The following MCU variants were observed in gnomAD, a reference collection of about 807,000 sequenced individuals.
MCU encodes the protein calcium uniporter protein, mitochondrial.
In MCU, 12 loss-of-function variants were observed where a neutral mutation model predicts 45.2. The observed-to-expected ratio is 0.27, with a 90% CI of 0.17 to 0.43. MCU has a LOEUF of 0.43. MCU is among the 20% of genes least tolerant of loss of function. The probability of loss-of-function intolerance (pLI) is 1.00; values close to 1 mark genes in which losing one functional copy is unlikely to be tolerated. For synonymous variants in MCU, 160 were observed against 165.1 expected, an observed-to-expected ratio of 0.97 and a Z score of 0.24; for missense variants, 324 against 436.7, an observed-to-expected ratio of 0.74 and a Z score of 2.30.
At chr10:72,699,517 A>G (rs1050828768) in intron 1 of MCU, among the ~76,000 whole-genome samples, 1 of 152,048 alleles carries the variant, frequency 6.6e-6, no homozygotes, top group South Asian at 2.1e-4. Context: ...GGAAAAAGGG[A>G]AAAAAAAGAA....
chr10:72,794,155 C>G (rs1844209659), intron 1 of MCU, among the ~76,000 whole-genome samples: 1 of 152,180 alleles, frequency 6.6e-6, no homozygotes, highest in African/African-American at 2.4e-5. Flanking sequence ...GATTGAGGCT[C>G]CTTGGTCGCA....
intron 1 of MCU, among the ~76,000 whole-genome samples, chr10:72,819,524 G>A (rs1844678003): frequency 6.6e-6 from 1 of 152,050 alleles, no homozygotes; most frequent in Non-Finnish European, 1.5e-5. Flanking sequence ...TTACATTCAA[G>A]GAGCTTACAA....
chr10:72,751,042 C>T (rs1051045900), intron 1 of MCU, among the ~76,000 whole-genome samples: 23 of 151,924 alleles, frequency 1.5e-4, no homozygotes, highest in African/African-American at 5.3e-4. Flanking sequence ...GCTCTGTTGC[C>T]CAGGCTGGAA....
At chr10:72,832,932 C>CTGTGTGTGTGTGTGTGTGTG (rs1399130294) in intron 1 of MCU, among the ~76,000 whole-genome samples, 1,904 of 57,206 alleles carry the variant, frequency 0.033, 61 homozygotes, top group African/African-American at 0.068. Context: ...AAACCAATAG[C>CTGTGTGTGTGTGTGTGTGTG]TATGTGTGTG....
chr10:72,696,281 A>G (rs1842686960), intron 1 of MCU, among the ~76,000 whole-genome samples: 1 of 143,492 alleles, frequency 7.0e-6, no homozygotes, highest in Non-Finnish European at 1.5e-5. Flanking sequence ...AGTATTATAT[A>G]CGTAAGCCAC....
intron 1 of MCU, among the ~76,000 whole-genome samples, chr10:72,751,341 CTTTTTTTT>C (rs71021528): frequency 3.4e-4 from 15 of 44,746 alleles, no homozygotes; most frequent in Non-Finnish European, 5.4e-4. Flanking sequence ...TCTTCTTCTT[CTTTTTTTT>C]TTTTTTTTTT....
intron 2 of MCU, among the ~76,000 whole-genome samples, chr10:72,856,769 A>T (rs1049399365): frequency 1.1e-5 from 1 of 90,692 alleles, no homozygotes; most frequent in Non-Finnish European, 2.1e-5. Flanking sequence ...CCCTGTCTCT[A>T]AAAAAAAAAA....
intron 5 of MCU, among the ~76,000 whole-genome samples, chr10:72,871,056 T>C (rs897973848): frequency 2.0e-5 from 3 of 152,078 alleles, no homozygotes; most frequent in Admixed American, 2.0e-4. Flanking sequence ...TGTGCCACCA[T>C]GCCCTGCTGA....
At chr10:72,868,654 G>C in intron 4 of MCU, 49 bp from the exon 5 acceptor site, 2 of 1,551,510 alleles carry the variant, frequency 1.3e-6, no homozygotes, top group African/African-American at 1.4e-5. Context: ...CCCAGGAATA[G>C]CAATCATTTA....
rs546372976 is a variant in MCU at position 72,834,374 on chromosome 10, G to A, written c.166G>A (p.Ala56Thr). 4.5e-5 allele frequency: 72 copies of A among 1,613,644 alleles called. No individual in the cohort carries two copies. Among genetic ancestry groups the A allele is most frequent in the Middle Eastern group, 1.6e-4 (1 of 6,062 alleles). Residue 56 changes from alanine to threonine, a missense_variant, in exon 2 of 8, where the codon GCT becomes ACT. Transcript: ENST00000373053. Reference sequence around the variant, plus strand: ...TGTTTTCTAGGTACACCAGAGGATCGCTTCCTGGCAGAATTTGGGAGCTGT... The same window carrying A: ...TGTTTTCTAGGTACACCAGAGGATCACTTCCTGGCAGAATTTGGGAGCTGT... ...QHHRTVHQRIASWQNLGAVYC... is the reference protein window; with the variant it reads ...QHHRTVHQRITSWQNLGAVYC...
intron 1 of MCU, among the ~76,000 whole-genome samples, chr10:72,823,001 T>G (rs1256583505): frequency 6.6e-6 from 1 of 152,162 alleles, no homozygotes; most frequent in African/African-American, 2.4e-5. Flanking sequence ...ACCCCACAAT[T>G]CTACTCCTAG....
At chr10:72,725,329 C>T (rs4512752) in intron 1 of MCU, among the ~76,000 whole-genome samples, 152,264 of 152,264 alleles carry the variant, frequency 1, 76,132 homozygotes, top group Non-Finnish European at 1. Flanking sequence ...GGTTTCACCG[C>T]GTTAGCCAGG....
intron 1 of MCU, among the ~76,000 whole-genome samples, chr10:72,757,846 A>G (rs1051464858): frequency 1.3e-5 from 2 of 152,234 alleles, no homozygotes; most frequent in African/African-American, 4.8e-5. Context: ...CAAGCGAAAA[A>G]CAAGCAGGTG....
At chr10:72,701,724 G>A (rs977532223) in intron 1 of MCU, among the ~76,000 whole-genome samples, 25 of 151,842 alleles carry the variant, frequency 1.6e-4, no homozygotes, top group African/African-American at 5.8e-4. Flanking sequence ...GTAGAGATGG[G>A]GTTTCACCAT....
At chr10:72,722,309 T>TC (rs1364039391) in intron 1 of MCU, among the ~76,000 whole-genome samples, 1 of 82,894 alleles carries the variant, frequency 1.2e-5, no homozygotes, top group East Asian at 3.9e-4. Flanking sequence ...AGAGTGAAAC[T>TC]CCATCTCAAA....
intron 1 of MCU, among the ~76,000 whole-genome samples, chr10:72,798,613 A>T (rs899193506): frequency 1.4e-4 from 21 of 151,470 alleles, no homozygotes; most frequent in African/African-American, 5.1e-4. Context: ...CTTTTTTTCT[A>T]TATGTATTTA....
rs11411848 is a variant in MCU at position 72,797,534 on chromosome 10, CT to C, written c.151-36807del. Among the ~76,000 whole-genome samples the C allele has an allele frequency of 4.0e-3, 458 of 115,696 alleles. 1 individual carries two copies. Among genetic ancestry groups the C allele is most frequent in the African/African-American group, 0.013 (382 of 30,536 alleles). The allele number at this position is 115,696 out of a possible 152,430, so 75.9% of individuals were successfully genotyped here. A position where few individuals can be genotyped will look rare whatever the true frequency, so the allele number is the denominator to read the frequency against. ...AGCCACTGCGACTGGCCATAATATA[CT>C]TTTTTTTTTTTTTTTTTGAGATGGA... On this transcript the variant is annotated intron_variant, in intron 1 of 7. Transcript: ENST00000373053.
At position 72,834,438 on chromosome 10, in the gene MCU, A is replaced by T; in HGVS notation, c.220+10A>T. ...GTTGTGCCCTCTGATGGTGAGTTTC[A>T]GCAAATCCACCTTTTATGTCTAATA... On this transcript the variant is annotated intron_variant, in intron 2 of 7. Coordinates refer to ENST00000373053, the MANE Select transcript of MCU (RefSeq NM_138357.3). 1 of 1,609,370 alleles carries T rather than the reference A, an allele frequency of 6.2e-7. No individual in the cohort carries two copies. Among genetic ancestry groups the T allele is most frequent in the African/African-American group, 1.3e-5 (1 of 74,976 alleles).
chr10:72,859,576 C>T (rs1244326060), intron 3 of MCU, among the ~76,000 whole-genome samples: 1 of 152,172 alleles, frequency 6.6e-6, no homozygotes, highest in Non-Finnish European at 1.5e-5. Flanking sequence ...CAGGGAATCT[C>T]ATTCAAAAGC....
Sources: allele counts gnomAD v4.1 joint callset (sites outside exome capture counted in the v4.1 genomes callset), GRCh38; gene constraint gnomAD v4.1.1; transcripts MANE v1.5; gene names NCBI Gene and HGNC (gene_info 2026-07-23, HGNC 2026-07-21).